The following STARD13 variants were observed in gnomAD, a reference collection of about 807,000 sequenced individuals.
STARD13 encodes the protein stAR-related lipid transfer protein 13.
A neutral mutation model predicts 106.4 loss-of-function variants in STARD13; 62 were observed. The observed-to-expected ratio is 0.58, with a 90% CI of 0.48 to 0.72. The LOEUF is 0.72. Ranked by LOEUF, STARD13 falls within the 30% of genes least tolerant of loss-of-function variation. The probability of loss-of-function intolerance (pLI) is 0.00; values close to 1 mark genes in which losing one functional copy is unlikely to be tolerated. For missense variants in STARD13, 1,387 were observed against 1,424.0 expected, an observed-to-expected ratio of 0.97 and a Z score of 0.42; for synonymous variants, 565 against 553.0, an observed-to-expected ratio of 1.02 and a Z score of -0.31.
the STARD13 span, among the ~76,000 whole-genome samples, chr13:33,438,456 G>T: frequency 6.6e-6 from 1 of 152,316 alleles, no homozygotes; most frequent in Admixed American, 6.5e-5. Context: ...TTCCCACTTA[G>T]CTGCCAGGTG....
At chr13:33,322,271 C>T (rs373407697) in intron 1 of STARD13, among the ~76,000 whole-genome samples, 34 of 152,240 alleles carry the variant, frequency 2.2e-4, no homozygotes, top group African/African-American at 7.5e-4. Flanking sequence ...AGAACGTACA[C>T]GATGTACAAA....
chr13:33,405,801 C>A, the STARD13 span, among the ~76,000 whole-genome samples: 88 of 152,308 alleles, frequency 5.8e-4, no homozygotes, highest in African/African-American at 1.9e-3. Flanking sequence ...TCCTCCATTT[C>A]CTCAAATATC....
chr13:33,210,052 C>G (rs933476849), intron 1 of STARD13, among the ~76,000 whole-genome samples: 2 of 152,138 alleles, frequency 1.3e-5, no homozygotes, highest in Non-Finnish European at 2.9e-5. Flanking sequence ...CAACAGCAGA[C>G]GCTGGGGTCG....
At chr13:33,338,884 C>CAAAAAAAA (rs748411311) in intron 1 of STARD13, among the ~76,000 whole-genome samples, 4 of 120,236 alleles carry the variant, frequency 3.3e-5, no homozygotes, top group Admixed American at 9.0e-5. Flanking sequence ...GACTCCGTCT[C>CAAAAAAAA]AAAAAAAAAA....
chr13:33,396,068 GT>G, the STARD13 span, among the ~76,000 whole-genome samples: 1 of 152,084 alleles, frequency 6.6e-6, no homozygotes, highest in Middle Eastern at 3.2e-3. Context: ...ACCAGGATTG[GT>G]TTCGAACTCC....
At chr13:33,294,721 A>G (rs1892421875) in intron 1 of STARD13, among the ~76,000 whole-genome samples, 1 of 152,178 alleles carries the variant, frequency 6.6e-6, no homozygotes, top group South Asian at 2.1e-4. Context: ...TTAGTCTTTT[A>G]GGTAGAATTT....
rs1874609061 is a variant in STARD13, at chr13:33,111,778, C to T, written c.2607G>A (p.Glu869=). 1 of 1,611,376 alleles carries T rather than the reference C, an allele frequency of 6.2e-7. No individual in the cohort carries two copies. Among genetic ancestry groups the T allele is most frequent in the Non-Finnish European group, 8.5e-7 (1 of 1,177,516 alleles). Residue 869 remains glutamate (E), a splice_region_variant and synonymous_variant, in exon 10 of 14, where the codon GAG becomes GAA. Coordinates refer to ENST00000336934, the MANE Select transcript of STARD13 (RefSeq NM_178006.4). ...GCGGAGGTTCGAGCCTTTTGCTCAC[C>T]TCAAAAAGTCTGTCGCATTCCATGA... ...HMIMECDRLF[E]VPHELVAQSR...
the STARD13 span, among the ~76,000 whole-genome samples, chr13:33,418,919 C>T: frequency 1.3e-5 from 2 of 152,180 alleles, no homozygotes; most frequent in Non-Finnish European, 2.9e-5. Context: ...ATAGCATCAA[C>T]ATCAACAAAA....
chr13:33,646,698 A>G, the STARD13 span, among the ~76,000 whole-genome samples: 1 of 152,050 alleles, frequency 6.6e-6, no homozygotes, highest in African/African-American at 2.4e-5. Flanking sequence ...TTTTAATGAA[A>G]TTTAGGTCAA....
chr13:33,459,946 T>C, the STARD13 span, among the ~76,000 whole-genome samples: 21 of 152,312 alleles, frequency 1.4e-4, no homozygotes, highest in African/African-American at 3.8e-4. Context: ...GTATGTAATA[T>C]GTCTGTTTTC....
At chr13:33,282,114 G>A (rs1475104754) in intron 1 of STARD13, among the ~76,000 whole-genome samples, 6 of 152,090 alleles carry the variant, frequency 3.9e-5, no homozygotes, top group Non-Finnish European at 8.8e-5. Flanking sequence ...GCCAGTCAGT[G>A]AGGCAAATAA....
chr13:33,167,738 T>G, intron 1 of STARD13, 116 bp from the exon 2 acceptor site: 1 of 1,066,572 alleles, frequency 9.4e-7, no homozygotes, highest in Non-Finnish European at 1.4e-6. Context: ...AGCAAAATTG[T>G]TCCAGGTAAG....
chr13:33,367,966 T>C, the STARD13 span, among the ~76,000 whole-genome samples: 4 of 152,172 alleles, frequency 2.6e-5, no homozygotes, highest in African/African-American at 2.4e-5. Flanking sequence ...TTGGAAAAAG[T>C]GTTCCAAAGG....
At chr13:33,529,097 T>C in the STARD13 span, among the ~76,000 whole-genome samples, 13 of 152,182 alleles carry the variant, frequency 8.5e-5, no homozygotes, top group Admixed American at 7.9e-4. Context: ...AACTGTGTTA[T>C]ATACTTTATG....
At chr13:33,280,428 C>T (rs1891716199) in intron 1 of STARD13, 1 of 152,142 alleles carries the variant, frequency 6.6e-6, no homozygotes, top group South Asian at 2.1e-4. Flanking sequence ...GGTAGTGAAA[C>T]TTTCTACATT....
chr13:33,167,486 C>G, intron 2 of STARD13, 65 bp downstream of exon 2: 6 of 1,530,824 alleles, frequency 3.9e-6, no homozygotes, highest in Non-Finnish European at 5.4e-6. Context: ...AAACACACCA[C>G]AGGATACGTG....
At chr13:33,139,627 C>G (rs934156949) in intron 4 of STARD13, among the ~76,000 whole-genome samples, 4 of 152,186 alleles carry the variant, frequency 2.6e-5, no homozygotes, top group Non-Finnish European at 5.9e-5. Flanking sequence ...GGAAATCCCG[C>G]TGCCTTATTT....
At chr13:33,564,267 A>G in the STARD13 span, among the ~76,000 whole-genome samples, 6 of 146,198 alleles carry the variant, frequency 4.1e-5, no homozygotes, top group Non-Finnish European at 9.0e-5. Flanking sequence ...TAAGATATGC[A>G]AATGGCCAAT....
At chr13:33,260,801 A>T (rs1458681703) in intron 1 of STARD13, among the ~76,000 whole-genome samples, 1 of 152,228 alleles carries the variant, frequency 6.6e-6, no homozygotes, top group East Asian at 1.9e-4. Flanking sequence ...ATATCTTAAT[A>T]AACAGGATTT....
Sources: gnomAD v4.1 joint callset for allele counts (sites outside exome capture counted in the v4.1 genomes callset) on GRCh38, gnomAD v4.1.1 for gene constraint, MANE v1.5 for transcripts, NCBI Gene and HGNC (gene_info 2026-07-23, HGNC 2026-07-21) for gene names.